DLC1: variants seen among roughly 807,000 people sequenced by gnomAD.
DLC1 encodes DLC1 Rho GTPase activating protein.
A neutral mutation model predicts 140.3 loss-of-function variants in DLC1; 54 were observed. That is an observed-to-expected ratio of 0.38 (90% CI 0.31 to 0.48). The LOEUF (loss-of-function observed/expected upper bound fraction) is 0.48, where lower values mean the gene tolerates loss of function less well. Among genes scored for constraint, DLC1 ranks in the 20% least tolerant of loss-of-function variants. The pLI is 0.96. For missense variants in DLC1, 2,536 were observed against 1,907.0 expected, an observed-to-expected ratio of 1.33 and a Z score of -6.14; for synonymous variants, 986 against 728.1, an observed-to-expected ratio of 1.35 and a Z score of -5.70.
intron 1 of DLC1, among the ~76,000 whole-genome samples, chr8:13,596,890 G>T (rs912021470): frequency 6.6e-6 from 1 of 151,884 alleles, no homozygotes; most frequent in Admixed American, 6.6e-5. Flanking sequence ...TCATACAATT[G>T]TTCTATATTA....
At chr8:13,588,173 A>G (rs1805394988) in intron 1 of DLC1, among the ~76,000 whole-genome samples, 2 of 152,086 alleles carry the variant, frequency 1.3e-5, no homozygotes, top group Admixed American at 1.3e-4. Context: ...CCGAAATTAC[A>G]TAATGGCAGA....
chr8:13,268,286 C>T (rs1038650777), intron 5 of DLC1, among the ~76,000 whole-genome samples: 4 of 152,126 alleles, frequency 2.6e-5, no homozygotes, highest in Non-Finnish European at 5.9e-5. Context: ...AGGAGAATGG[C>T]CAGTTCATTA....
At chr8:13,354,559 A>G (rs1834832087) in intron 4 of DLC1, among the ~76,000 whole-genome samples, 1 of 152,142 alleles carries the variant, frequency 6.6e-6, no homozygotes, top group Non-Finnish European at 1.5e-5. Context: ...GTTAAAATGC[A>G]TTCACGCATC....
chr8:13,546,180 G>A (rs1174894164), intron 1 of DLC1, among the ~76,000 whole-genome samples: 1 of 151,908 alleles, frequency 6.6e-6, no homozygotes, highest in African/African-American at 2.4e-5. Flanking sequence ...TCTCATATTG[G>A]TCATTAATCT....
chr8:13,086,541 A>T lies in DLC1; in HGVS notation c.4293-78T>A, dbSNP rs564690886. ...TTAAAATCGTGCTTCACTCTTCACT[A>T]TTTGCAGTGTGGTGACGGGTCAGGC... On this transcript the variant is annotated intron_variant, in intron 16 of 17. Coordinates refer to ENST00000276297, the MANE Select transcript of DLC1 (RefSeq NM_182643.3). 20 of 1,537,204 alleles carry T rather than the reference A, an allele frequency of 1.3e-5. No individual in the cohort carries two copies. In the African/African-American group the frequency reaches 2.7e-4, roughly 21 times the overall value.
chr8:13,100,433 T>A lies in DLC1; in HGVS notation c.1904A>T (p.Asp635Val), dbSNP rs1563596107. The A allele has an allele frequency of 1.2e-6, 2 of 1,613,622 alleles. No individual in the cohort carries two copies. Among genetic ancestry groups the A allele is most frequent in the South Asian group, 1.1e-5 (1 of 91,050 alleles). ...CSSSNLAGND[D>V]SFGSLPSPKE... is the part of the protein sequence containing the mutation. ...GGGAGAGGGCAGGCTGCCGAAAGAG[T>A]CGTCATTGCCTGCCAAGTTGCTGGA... The change falls in exon 9 of 18, where the codon GAC (aspartate) becomes GTC (valine). Residue 635 changes from aspartate (D) to valine (V), a missense_variant. Coordinates refer to ENST00000276297, the MANE Select transcript of DLC1 (RefSeq NM_182643.3).
At chr8:13,156,648 T>C (rs1281828816) in intron 5 of DLC1, among the ~76,000 whole-genome samples, 1 of 152,180 alleles carries the variant, frequency 6.6e-6, no homozygotes, top group Non-Finnish European at 1.5e-5. Flanking sequence ...TCCACATTTA[T>C]AAACTCTAGA....
chr8:13,248,113 G>T (rs951286083), intron 5 of DLC1, among the ~76,000 whole-genome samples: 1 of 152,224 alleles, frequency 6.6e-6, no homozygotes, highest in African/African-American at 2.4e-5. Flanking sequence ...GCACAGGGAA[G>T]CTGCCCAGTT....
intron 5 of DLC1, among the ~76,000 whole-genome samples, chr8:13,248,985 C>T (rs922817001): frequency 6.6e-6 from 1 of 152,172 alleles, no homozygotes; most frequent in African/African-American, 2.4e-5. Context: ...ACTCCCTAAC[C>T]TCAGAGGGGT....
chr8:13,112,894 T>C (rs1332035182), intron 6 of DLC1, among the ~76,000 whole-genome samples: 2 of 152,106 alleles, frequency 1.3e-5, no homozygotes, highest in Admixed American at 6.6e-5. Context: ...AGAGCTGATA[T>C]TAAGGAATAT....
chr8:13,391,361 C>T (rs1453983404), intron 4 of DLC1, among the ~76,000 whole-genome samples: 1 of 152,182 alleles, frequency 6.6e-6, no homozygotes, highest in Non-Finnish European at 1.5e-5. Flanking sequence ...CACACCTGAA[C>T]AGCTGGATAC....
intron 1 of DLC1, among the ~76,000 whole-genome samples, chr8:13,596,608 A>C (rs868091463): frequency 1.3e-5 from 2 of 152,168 alleles, no homozygotes; most frequent in South Asian, 4.1e-4. Context: ...ATGTGAGCTT[A>C]GAAAGGAGGC....
At chr8:13,564,597 T>TG (rs1238080482) in intron 1 of DLC1, among the ~76,000 whole-genome samples, 1 of 152,180 alleles carries the variant, frequency 6.6e-6, no homozygotes, top group Non-Finnish European at 1.5e-5. Flanking sequence ...TTATGATATC[T>TG]GGGGGGAGAA....
chr8:13,466,208 G>A (rs999571769), intron 2 of DLC1, among the ~76,000 whole-genome samples: 15 of 152,078 alleles, frequency 9.9e-5, no homozygotes, highest in African/African-American at 3.6e-4. Context: ...CCCAATAAAG[G>A]CCATCATCCA....
At chr8:13,381,874 A>G (rs546456382) in intron 4 of DLC1, among the ~76,000 whole-genome samples, 6 of 152,298 alleles carry the variant, frequency 3.9e-5, no homozygotes, top group South Asian at 4.1e-4. Flanking sequence ...CACCATAACA[A>G]AAAAACTAAA....
chr8:13,545,138 C>G (rs1004945189), intron 1 of DLC1, among the ~76,000 whole-genome samples: 15 of 151,940 alleles, frequency 9.9e-5, no homozygotes, highest in African/African-American at 3.6e-4. Flanking sequence ...TAAATTTAAA[C>G]TGCAACATTT....
At chr8:13,598,086 C>T (rs1167951576) in intron 1 of DLC1, among the ~76,000 whole-genome samples, 3 of 150,894 alleles carry the variant, frequency 2.0e-5, no homozygotes, top group Non-Finnish European at 1.5e-5. Flanking sequence ...TTTTCTCATC[C>T]AGCAGAGAAG....
At chr8:13,568,027 C>G in intron 1 of DLC1, 2 of 1,383,440 alleles carry the variant, frequency 1.4e-6, no homozygotes, top group Non-Finnish European at 1.9e-6. Context: ...TAACTTAAGA[C>G]TTTACTATGC....
intron 2 of DLC1, among the ~76,000 whole-genome samples, chr8:13,489,696 C>T (rs1585194636): frequency 6.6e-6 from 1 of 152,046 alleles, no homozygotes; most frequent in Non-Finnish European, 1.5e-5. Context: ...CTGTTGGCTT[C>T]TTTAGTTTGT....
Sources: allele counts gnomAD v4.1 joint callset (sites outside exome capture counted in the v4.1 genomes callset), GRCh38; gene constraint gnomAD v4.1.1; transcripts MANE v1.5; gene names NCBI Gene and HGNC (gene_info 2026-07-23, HGNC 2026-07-21).